CEP128: variants seen among roughly 807,000 people sequenced by gnomAD.
CEP128 encodes centrosomal protein 128kDa.
A neutral mutation model predicts 156.7 loss-of-function variants in CEP128; 132 were observed. The observed-to-expected ratio is 0.84, with a 90% CI of 0.73 to 0.97. CEP128 has a LOEUF of 0.97. CEP128 is among the 50% of genes least tolerant of loss of function. CEP128 has a pLI of 0.00. For missense variants in CEP128, 1,252 were observed against 1,281.9 expected (o/e 0.98, Z 0.36); for synonymous variants, 469 against 448.9 (o/e 1.04, Z -0.57).
intron 19 of CEP128, among the ~76,000 whole-genome samples, chr14:80,729,058 G>GGGGGGGT (rs1898141728): frequency 2.9e-5 from 3 of 105,024 alleles, no homozygotes; most frequent in African/African-American, 1.5e-4. Context: ...GGCTGGTGGG[G>GGGGGGGT]GTGTGTGTGT....
intron 19 of CEP128, among the ~76,000 whole-genome samples, chr14:80,672,576 T>G (rs1895887761): frequency 6.6e-6 from 1 of 152,060 alleles, no homozygotes; most frequent in Admixed American, 6.6e-5. Context: ...TATCTTAAAG[T>G]TTTGATGTTT....
chr14:80,860,016 G>A (rs190425183), intron 9 of CEP128, among the ~76,000 whole-genome samples: 27 of 152,174 alleles, frequency 1.8e-4, no homozygotes, highest in Middle Eastern at 3.4e-3. Flanking sequence ...AGAAGTTCAG[G>A]CCCACCTGCT....
intron 19 of CEP128, among the ~76,000 whole-genome samples, chr14:80,634,874 C>A (rs1233449312): frequency 6.6e-6 from 1 of 152,154 alleles, no homozygotes; most frequent in Non-Finnish European, 1.5e-5. Context: ...AGGATAACTT[C>A]CCTTATATAA....
intron 19 of CEP128, among the ~76,000 whole-genome samples, chr14:80,597,966 A>AAAAAC (rs1566802538): frequency 4.8e-4 from 69 of 144,832 alleles, no homozygotes; most frequent in Non-Finnish European, 6.5e-4. Flanking sequence ...AAAAAAAAAA[A>AAAAAC]AAAACAAAAC....
intron 19 of CEP128, among the ~76,000 whole-genome samples, chr14:80,737,130 G>T (rs1252317246): frequency 1.3e-5 from 2 of 152,182 alleles, no homozygotes; most frequent in African/African-American, 4.8e-5. Context: ...TATAGGCTGG[G>T]TGCAGTGGCT....
At chr14:80,823,220 T>C (rs911120789) in intron 13 of CEP128, among the ~76,000 whole-genome samples, 1 of 152,226 alleles carries the variant, frequency 6.6e-6, no homozygotes, top group Non-Finnish European at 1.5e-5. Flanking sequence ...TGGTTACCAA[T>C]GTGTCAGGCA....
At chr14:80,881,533 AAT>A (rs1888552857) in intron 8 of CEP128, among the ~76,000 whole-genome samples, 1 of 152,210 alleles carries the variant, frequency 6.6e-6, no homozygotes, top group African/African-American at 2.4e-5. Flanking sequence ...TATTCAAAAA[AAT>A]AGAGTAAGAA....
chr14:80,500,695 T>C (rs1460930829), intron 24 of CEP128, among the ~76,000 whole-genome samples: 1 of 152,222 alleles, frequency 6.6e-6, no homozygotes, highest in Non-Finnish European at 1.5e-5. Flanking sequence ...TTATTTTCTG[T>C]ATTTATTTCA....
intron 17 of CEP128, among the ~76,000 whole-genome samples, chr14:80,759,456 C>T (rs1899842836): frequency 6.6e-6 from 1 of 152,124 alleles, no homozygotes; most frequent in South Asian, 2.1e-4. Flanking sequence ...AACTACAAAA[C>T]AAACATAAAT....
At chr14:80,694,263 T>C (rs1182654664) in intron 19 of CEP128, among the ~76,000 whole-genome samples, 4 of 152,142 alleles carry the variant, frequency 2.6e-5, no homozygotes, top group African/African-American at 7.2e-5. Flanking sequence ...AAACAACAGA[T>C]GCTGGAGAGG....
At chr14:80,955,557 G>T in intron 2 of CEP128, 1 of 1,179,514 alleles carries the variant, frequency 8.5e-7, no homozygotes. Context: ...ACAGCCCCTT[G>T]GAGCCCTCCC....
chr14:80,548,878 A>C (rs967198078), intron 21 of CEP128, among the ~76,000 whole-genome samples: 6 of 152,226 alleles, frequency 3.9e-5, no homozygotes, highest in Non-Finnish European at 8.8e-5. Context: ...TGTTTATGAA[A>C]AATTTGACAG....
intron 19 of CEP128, among the ~76,000 whole-genome samples, chr14:80,660,238 C>T (rs976070382): frequency 3.9e-5 from 6 of 152,166 alleles, no homozygotes; most frequent in Non-Finnish European, 8.8e-5. Context: ...GGACAGAGCT[C>T]ACTGCACTTC....
intron 19 of CEP128, among the ~76,000 whole-genome samples, chr14:80,581,697 A>T (rs1891599886): frequency 6.6e-6 from 1 of 152,186 alleles, no homozygotes; most frequent in Non-Finnish European, 1.5e-5. Flanking sequence ...CAAAAAAGTA[A>T]AAAGAGCAGG....
intron 2 of CEP128, among the ~76,000 whole-genome samples, chr14:80,931,286 T>G (rs1035293751): frequency 6.7e-6 from 1 of 149,042 alleles, no homozygotes; most frequent in Non-Finnish European, 1.5e-5. Context: ...CTGGTTTCAC[T>G]ACTCAAGTCA....
In CEP128 at chr14:80,906,031, T is replaced by C; in HGVS notation, c.285A>G (p.Leu95=). ...TACTTCTCCCTCCTGAGTTTCTCAA[T>C]AAACGTTGACTCCGGAGTTGGTCGA... ...QSIDQLRSQR[L]LRNSGGRSIS... The change falls in exon 5 of 25, where the codon TTA becomes TTG. Residue 95 remains leucine (L), a synonymous_variant. Coordinates refer to ENST00000555265, the MANE Select transcript of CEP128 (RefSeq NM_152446.5). 3 of 1,612,756 alleles carry C rather than the reference T, an allele frequency of 1.9e-6. No homozygotes were observed. The highest frequency in any genetic ancestry group is 1.1e-5 in the South Asian group (1 of 90,866).
intron 9 of CEP128, among the ~76,000 whole-genome samples, chr14:80,856,715 C>CTTTTTTTT (rs1566673747): frequency 1.4e-5 from 1 of 73,202 alleles, no homozygotes; most frequent in African/African-American, 5.2e-5. Flanking sequence ...TCATGTTTTT[C>CTTTTTTTT]TTTTCTTTTT....
intron 19 of CEP128, among the ~76,000 whole-genome samples, chr14:80,662,384 C>G (rs1895437241): frequency 6.6e-6 from 1 of 152,152 alleles, no homozygotes; most frequent in African/African-American, 2.4e-5. Flanking sequence ...CAGTAATTTA[C>G]TATCCTTCTT....
intron 12 of CEP128, among the ~76,000 whole-genome samples, chr14:80,831,663 A>G (rs891767800): frequency 6.6e-6 from 1 of 152,094 alleles, no homozygotes; most frequent in Non-Finnish European, 1.5e-5. Flanking sequence ...TTCATCTACA[A>G]AATATTTTTT....
Sources: gnomAD v4.1 joint callset for allele counts (sites outside exome capture counted in the v4.1 genomes callset) on GRCh38, gnomAD v4.1.1 for gene constraint, MANE v1.5 for transcripts, NCBI Gene and HGNC (gene_info 2026-07-23, HGNC 2026-07-21) for gene names.